The following ENPP3 variants were observed in gnomAD, a reference collection of about 807,000 sequenced individuals.
The protein encoded by ENPP3 is ectonucleotide pyrophosphatase/phosphodiesterase family member 3.
In ENPP3, 104 loss-of-function variants were observed where a neutral mutation model predicts 117.8. The observed-to-expected ratio is 0.88, with a 90% CI of 0.75 to 1.04. The LOEUF is 1.04. ENPP3 is among the 50% of genes least tolerant of loss of function. ENPP3 has a pLI of 0.00. For synonymous variants in ENPP3, 380 were observed against 349.9 expected, an observed-to-expected ratio of 1.09 and a Z score of -0.96; for missense variants, 1,026 against 1,051.9, an observed-to-expected ratio of 0.98 and a Z score of 0.34.
chr6:131,744,265 C>T (rs1366708507), intron 24 of ENPP3, among the ~76,000 whole-genome samples: 2 of 152,076 alleles, frequency 1.3e-5, no homozygotes, highest in African/African-American at 2.4e-5. Context: ...CATCTTTGTA[C>T]TGTAAAATTC....
chr6:131,716,950 G>A (rs971775812), intron 15 of ENPP3, among the ~76,000 whole-genome samples: 1 of 151,682 alleles, frequency 6.6e-6, no homozygotes, highest in African/African-American at 2.4e-5. Context: ...CAGCCTGGGC[G>A]ACAGAGCGAG....
chr6:131,716,843 T>A (rs1378948682), intron 15 of ENPP3, among the ~76,000 whole-genome samples: 3 of 149,628 alleles, frequency 2.0e-5, no homozygotes, highest in Admixed American at 6.7e-5. Context: ...TGGTGGCACA[T>A]GCCTGTAGTC....
chr6:131,724,049 C>T lies in ENPP3; in HGVS notation c.1756C>T (p.Leu586=). 6.2e-7 allele frequency: 1 copy of T among 1,611,374 alleles called. No individual in the cohort carries two copies. The highest frequency in any genetic ancestry group is 8.5e-7 in the Non-Finnish European group (1 of 1,177,956). Residue 586 remains leucine, a synonymous_variant, in exon 19 of 25, where the codon CTG becomes TTG. Transcript: ENST00000357639. ...FCPHLQNSTQ[L]EQVNQMLNLT... is the part of the protein sequence containing the mutation. The stretch of plus-strand genomic sequence containing the variant: ...CCTCATTATCTTGCAGAGTACTCAG[C>T]TGGAACAAGTGAATCAGATGCTAAA...
intron 11 of ENPP3, among the ~76,000 whole-genome samples, chr6:131,680,380 G>T (rs1585659405): frequency 6.6e-6 from 1 of 152,226 alleles, no homozygotes; most frequent in East Asian, 1.9e-4. Context: ...GTAAGTTTGG[G>T]GAGATGCTTG....
At chr6:131,737,764 G>A (rs532623968) in intron 22 of ENPP3, among the ~76,000 whole-genome samples, 39 of 152,156 alleles carry the variant, frequency 2.6e-4, no homozygotes, top group African/African-American at 9.2e-4. Flanking sequence ...TTTAACACTC[G>A]CTGTCCCATA....
At chr6:131,675,967 A>T (rs886334885) in intron 9 of ENPP3, among the ~76,000 whole-genome samples, 2 of 152,136 alleles carry the variant, frequency 1.3e-5, no homozygotes, top group African/African-American at 4.8e-5. Context: ...GTGTGGCATG[A>T]CCTCTGGTGT....
intron 21 of ENPP3, among the ~76,000 whole-genome samples, chr6:131,735,455 C>T (rs1034910505): frequency 4.6e-5 from 7 of 152,154 alleles, no homozygotes; most frequent in African/African-American, 1.7e-4. Context: ...TTATTGGCCT[C>T]TCATTGAATA....
At chr6:131,703,695 A>G (rs1479528447) in intron 15 of ENPP3, among the ~76,000 whole-genome samples, 2 of 150,892 alleles carry the variant, frequency 1.3e-5, no homozygotes, top group Non-Finnish European at 2.9e-5. Context: ...AAACATTTCT[A>G]CAGTGTGGCT....
intron 14 of ENPP3, among the ~76,000 whole-genome samples, chr6:131,691,588 C>CA (rs34849891): frequency 0.023 from 1,956 of 84,972 alleles, 33 homozygotes; most frequent in African/African-American, 0.06. Context: ...GACTCAGTCT[C>CA]AAAAAAAAAA....
chr6:131,677,128 T>C (rs1778886630), intron 10 of ENPP3, among the ~76,000 whole-genome samples: 1 of 152,106 alleles, frequency 6.6e-6, no homozygotes, highest in Admixed American at 6.6e-5. Flanking sequence ...CCTAACTACT[T>C]GGGAGGCTGA....
At chr6:131,649,961 C>T in intron 2 of ENPP3, 66 bp from the exon 3 acceptor site, 1 of 1,575,072 alleles carries the variant, frequency 6.3e-7, no homozygotes, top group South Asian at 1.1e-5. Context: ...TGTGTGCTTC[C>T]ACTGCTTAGG....
intron 15 of ENPP3, among the ~76,000 whole-genome samples, chr6:131,705,878 C>G (rs1779628439): frequency 7.6e-6 from 1 of 131,760 alleles, no homozygotes; most frequent in African/African-American, 3.6e-5. Context: ...GATGTCATAG[C>G]CGTAATAATA....
At chr6:131,688,781 G>T (rs964939143) in intron 14 of ENPP3, among the ~76,000 whole-genome samples, 2 of 151,970 alleles carry the variant, frequency 1.3e-5, no homozygotes, top group Non-Finnish European at 2.9e-5. Context: ...GCCAGGTGCG[G>T]TGGCTGACGC....
intron 15 of ENPP3, among the ~76,000 whole-genome samples, chr6:131,698,204 T>C (rs2114466709): frequency 6.6e-6 from 1 of 152,022 alleles, no homozygotes; most frequent in South Asian, 2.1e-4. Context: ...TATTAGAACC[T>C]ACCTGAAGGG....
chr6:131,696,177 T>C (rs1478614728), intron 15 of ENPP3, among the ~76,000 whole-genome samples: 1 of 152,232 alleles, frequency 6.6e-6, no homozygotes, highest in Non-Finnish European at 1.5e-5. Context: ...GATGTTTTGA[T>C]ATAGTAGAAG....
chr6:131,745,461 A>C (rs1249651193), intron 24 of ENPP3, among the ~76,000 whole-genome samples: 1 of 152,208 alleles, frequency 6.6e-6, no homozygotes, highest in Non-Finnish European at 1.5e-5. Context: ...TGATTAAATA[A>C]ACTTTGAAAC....
At chr6:131,656,315 T>C (rs1436837784) in intron 5 of ENPP3, among the ~76,000 whole-genome samples, 1 of 151,880 alleles carries the variant, frequency 6.6e-6, no homozygotes, top group South Asian at 2.1e-4. Flanking sequence ...ATCGGAGAAA[T>C]AAAAATGAAA....
Position 131,652,906 on chromosome 6 carries a change from T to TA in ENPP3, c.464+16dup. 6.3e-7 allele frequency: 1 copy of TA among 1,582,106 alleles called. No individual in the cohort carries two copies. Among genetic ancestry groups the TA allele is most frequent in the South Asian group, 1.1e-5 (1 of 89,966 alleles). On this transcript the variant is annotated intron_variant, in intron 5 of 24. Transcript: ENST00000357639. ...TGCCCAGAAGGGTGAGCATGACTGA[T>TA]ACAGGGATTTTTATCCTCCTTTAAC...
intron 7 of ENPP3, among the ~76,000 whole-genome samples, chr6:131,672,646 C>T (rs535217923): frequency 1.5e-4 from 22 of 151,424 alleles, no homozygotes; most frequent in African/African-American, 2.4e-4. Flanking sequence ...ATAACTACTA[C>T]GAATAATAAT....
Sources: allele counts gnomAD v4.1 joint callset (sites outside exome capture counted in the v4.1 genomes callset), GRCh38; gene constraint gnomAD v4.1.1; transcripts MANE v1.5; gene names NCBI Gene and HGNC (gene_info 2026-07-23, HGNC 2026-07-21).